Variants in ENTREP2 observed in about 807,000 individuals in gnomAD.
ENTREP2 encodes the protein endosomal transmembrane epsin interactor 2, also known as protein ENTREP2.
chr15:29,588,544 AAG>A, the ENTREP2 span, among the ~76,000 whole-genome samples: 76 of 19,714 alleles, frequency 3.9e-3, no homozygotes, highest in East Asian at 9.9e-3. Flanking sequence ...AAGAGAAAGA[AAG>A]AGAGAGAGAG....
chr15:29,558,497 C>A, the ENTREP2 span, among the ~76,000 whole-genome samples: 1 of 151,530 alleles, frequency 6.6e-6, no homozygotes, highest in Non-Finnish European at 1.5e-5. Context: ...GCCGGTCACC[C>A]ATCTTCTGCA....
chr15:29,510,335 G>A, the ENTREP2 span, among the ~76,000 whole-genome samples: 1 of 152,214 alleles, frequency 6.6e-6, no homozygotes, highest in African/African-American at 2.4e-5. Flanking sequence ...GTGGAAGACA[G>A]TGTGGCGACT....
chr15:29,279,955 G>A, the ENTREP2 span, among the ~76,000 whole-genome samples: 1 of 152,026 alleles, frequency 6.6e-6, no homozygotes, highest in Non-Finnish European at 1.5e-5. Context: ...AAAAAAATGA[G>A]GTATTGCAAA....
the ENTREP2 span, among the ~76,000 whole-genome samples, chr15:29,386,948 G>A: frequency 6.6e-6 from 1 of 152,148 alleles, no homozygotes; most frequent in Admixed American, 6.5e-5. Context: ...TTGCAAACAG[G>A]GACAATTTGA....
the ENTREP2 span, among the ~76,000 whole-genome samples, chr15:29,185,303 T>C: frequency 6.6e-6 from 1 of 152,122 alleles, no homozygotes; most frequent in Non-Finnish European, 1.5e-5. Context: ...TCACACCCAA[T>C]GCCCTCCATG....
the ENTREP2 span, among the ~76,000 whole-genome samples, chr15:29,674,132 G>T: frequency 7.6e-5 from 11 of 145,598 alleles, no homozygotes; most frequent in Non-Finnish European, 1.5e-4. Flanking sequence ...AGAGGATGGG[G>T]GGGGGGGGGG....
At chr15:29,611,789 T>C in the ENTREP2 span, among the ~76,000 whole-genome samples, 1 of 152,230 alleles carries the variant, frequency 6.6e-6, no homozygotes, top group South Asian at 2.1e-4. Flanking sequence ...CCTCACTTCA[T>C]GCCCTTCTCT....
chr15:29,643,298 G>A, the ENTREP2 span, among the ~76,000 whole-genome samples: 1 of 152,044 alleles, frequency 6.6e-6, no homozygotes, highest in African/African-American at 2.4e-5. Flanking sequence ...CAAATAACAC[G>A]ACTGAAAAGT....
the ENTREP2 span, among the ~76,000 whole-genome samples, chr15:29,493,949 C>G: frequency 6.6e-6 from 1 of 152,118 alleles, no homozygotes; most frequent in Non-Finnish European, 1.5e-5. Context: ...TGTACTCCAG[C>G]CTGGCCAATA....
At chr15:29,351,818 T>A in the ENTREP2 span, among the ~76,000 whole-genome samples, 8 of 151,542 alleles carry the variant, frequency 5.3e-5, no homozygotes, top group South Asian at 4.2e-4. Flanking sequence ...TTTTTTATTT[T>A]TTTTTTGGTA....
the ENTREP2 span, among the ~76,000 whole-genome samples, chr15:29,177,647 T>G: frequency 2.6e-5 from 4 of 152,060 alleles, no homozygotes; most frequent in African/African-American, 9.7e-5. Context: ...GGCCAGCATC[T>G]GGACTCGTGA....
At chr15:29,471,898 T>A in the ENTREP2 span, among the ~76,000 whole-genome samples, 1 of 152,092 alleles carries the variant, frequency 6.6e-6, no homozygotes, top group Non-Finnish European at 1.5e-5. Context: ...CCCGGGAGAA[T>A]CAGAACCTGC....
At chr15:29,232,664 A>ATTGTTTGTTTGT in the ENTREP2 span, among the ~76,000 whole-genome samples, 1 of 150,064 alleles carries the variant, frequency 6.7e-6, no homozygotes, top group Non-Finnish European at 1.5e-5. Flanking sequence ...GCCTAATTAA[A>ATTGTTTGTTTGT]TTGTTTGTTT....
the ENTREP2 span, among the ~76,000 whole-genome samples, chr15:29,656,994 G>C: frequency 1.3e-5 from 2 of 152,138 alleles, no homozygotes; most frequent in Admixed American, 6.5e-5. Context: ...GCCGGCCAGG[G>C]TGTTCGTGGT....
chr15:29,213,983 A>C, the ENTREP2 span, among the ~76,000 whole-genome samples: 1 of 152,134 alleles, frequency 6.6e-6, no homozygotes, highest in African/African-American at 2.4e-5. Flanking sequence ...TCAAAACCAC[A>C]ATGAGATACC....
chr15:29,412,679 T>C, the ENTREP2 span, among the ~76,000 whole-genome samples: 1 of 152,118 alleles, frequency 6.6e-6, no homozygotes, highest in Non-Finnish European at 1.5e-5. Context: ...TTTTCATTCA[T>C]AATAATGGTT....
chr15:29,255,811 C>CT, the ENTREP2 span, among the ~76,000 whole-genome samples: 1 of 151,998 alleles, frequency 6.6e-6, no homozygotes, highest in East Asian at 1.9e-4. Flanking sequence ...ACCATCCTGG[C>CT]TAACACGGTG....
the ENTREP2 span, among the ~76,000 whole-genome samples, chr15:29,119,999 T>C: frequency 6.6e-6 from 1 of 152,264 alleles, no homozygotes; most frequent in Non-Finnish European, 1.5e-5. Flanking sequence ...CCAGCAGCCC[T>C]TGGAGGCCAT....
chr15:29,175,690 C>T, the ENTREP2 span, among the ~76,000 whole-genome samples: 1 of 152,220 alleles, frequency 6.6e-6, no homozygotes, highest in South Asian at 2.1e-4. Flanking sequence ...CAGCAACCTC[C>T]ACCTCCCAGG....
Sources: allele counts gnomAD v4.1 joint callset (sites outside exome capture counted in the v4.1 genomes callset), GRCh38; gene constraint gnomAD v4.1.1; transcripts MANE v1.5; gene names NCBI Gene and HGNC (gene_info 2026-07-23, HGNC 2026-07-21).